PUS10: variants seen among roughly 807,000 people sequenced by gnomAD.
PUS10 encodes the protein pseudouridine synthase 10, also known as tRNA pseudouridine synthase Pus10.
Under a neutral mutation model 75.0 loss-of-function variants are expected in PUS10, and 59 were observed. That is an observed-to-expected ratio of 0.79 (90% CI 0.64 to 0.98). PUS10 has a LOEUF of 0.98. Ranked by LOEUF, PUS10 falls within the 50% of genes least tolerant of loss-of-function variation. The pLI is 0.00. For synonymous variants in PUS10, 219 were observed against 211.6 expected, an observed-to-expected ratio of 1.03 and a Z score of -0.30; for missense variants, 650 against 614.4, an observed-to-expected ratio of 1.06 and a Z score of -0.61.
intron 11 of PUS10, among the ~76,000 whole-genome samples, chr2:60,956,634 T>G (rs1330332280): frequency 6.6e-6 from 1 of 152,198 alleles, no homozygotes; most frequent in Non-Finnish European, 1.5e-5. Context: ...ACAAAAGCAT[T>G]TGATTCAGAC....
chr2:60,964,840 A>G (rs78523958), intron 8 of PUS10, among the ~76,000 whole-genome samples: 3,334 of 152,292 alleles, frequency 0.022, 132 homozygotes, highest in Admixed American at 0.094. Context: ...GACACTACAC[A>G]AACATGAGGA....
At chr2:60,965,221 T>C (rs1676261963) in intron 7 of PUS10, 118 bp from the exon 8 acceptor site, 2 of 1,080,636 alleles carry the variant, frequency 1.9e-6, no homozygotes, top group Non-Finnish European at 2.8e-6. Flanking sequence ...GCAGACAAAA[T>C]GAGTCCCTGT....
intron 11 of PUS10, among the ~76,000 whole-genome samples, chr2:60,956,791 T>C (rs1322278766): frequency 6.6e-5 from 10 of 151,862 alleles, no homozygotes; most frequent in Non-Finnish European, 4.4e-5. Flanking sequence ...CTGGCTAACT[T>C]GGTGAAACCT....
rs539390626 is a variant in PUS10 at position 61,015,686 on chromosome 2, G to A, written c.-16+2322C>T. On this transcript the variant is annotated intron_variant, in intron 1 of 17. Coordinates refer to ENST00000316752, the MANE Select transcript of PUS10 (RefSeq NM_144709.4). ...TGTACTCCAGTCTGGGCAACAGAGC[G>A]AGACTCCATCTCAATAAATAAATAA... 2.2e-4 allele frequency among the ~76,000 whole-genome samples: 33 copies of A among 152,128 alleles called. 1 individual carries two copies. The highest frequency in any genetic ancestry group is 2.9e-4 in the Non-Finnish European group (20 of 68,020).
At chr2:61,000,196 CA>C (rs1433431090) in intron 4 of PUS10, among the ~76,000 whole-genome samples, 7 of 152,248 alleles carry the variant, frequency 4.6e-5, no homozygotes, top group Non-Finnish European at 8.8e-5. Context: ...ATCCTTGCAG[CA>C]ATCTAATTCC....
chr2:60,955,522 T>C (rs1375298722), intron 11 of PUS10, among the ~76,000 whole-genome samples: 2 of 151,980 alleles, frequency 1.3e-5, no homozygotes, highest in Non-Finnish European at 2.9e-5. Context: ...AGAGATGAGG[T>C]CTTGCTTTGT....
intron 11 of PUS10, among the ~76,000 whole-genome samples, chr2:60,956,193 A>C (rs147703167): frequency 2.6e-5 from 4 of 151,550 alleles, no homozygotes; most frequent in Non-Finnish European, 4.4e-5. Context: ...GTCCCAAAAA[A>C]CTCTCCCTTC....
rs1420907094 is a variant in PUS10 at position 60,953,915 on chromosome 2, C to T, written c.1190+18G>A. On this transcript the variant is annotated intron_variant, in intron 14 of 17. Coordinates refer to ENST00000316752, the MANE Select transcript of PUS10 (RefSeq NM_144709.4). ...AAAACGTCCCTTTTGAAATCATCTC[C>T]AATGAGCCTACTCTTACCTTGTGAC... 1 of 1,608,952 alleles carries T rather than the reference C, an allele frequency of 6.2e-7. No homozygotes were observed. Among genetic ancestry groups the T allele is most frequent in the African/African-American group, 1.3e-5 (1 of 74,804 alleles).
Position 60,968,421 on chromosome 2 carries a change from C to A in PUS10, c.504-808G>T, listed in dbSNP as rs972383333. ...TTAAAACTTCAAACCAGCCTTATGG[C>A]GATTTATAGGGCTGCTTTTAATGAA... On this transcript the variant is annotated intron_variant, in intron 5 of 17. Transcript: ENST00000316752. Among the ~76,000 whole-genome samples, 6 of 152,110 alleles carry A rather than the reference C, an allele frequency of 3.9e-5. No homozygotes were observed. In the South Asian group the frequency reaches 1.2e-3, roughly 32 times the overall value.
chr2:60,954,958 T>G, intron 12 of PUS10, 60 bp downstream of exon 12: 2 of 1,164,432 alleles, frequency 1.7e-6, no homozygotes, highest in Non-Finnish European at 2.5e-6. Flanking sequence ...AAGCCTGCTG[T>G]CTAGAAAGGA....
intron 6 of PUS10, chr2:60,967,091 G>A (rs1676384305): frequency 5.9e-6 from 1 of 170,788 alleles, no homozygotes; most frequent in Non-Finnish European, 1.2e-5. Context: ...ACTCATTGTA[G>A]TTGAATAGGT....
At chr2:60,960,370 G>C (rs779263149) in intron 11 of PUS10, 22 bp downstream of exon 11, 5 of 1,375,136 alleles carry the variant, frequency 3.6e-6, no homozygotes, top group South Asian at 1.5e-5. Flanking sequence ...AGAAAGAAAA[G>C]TATGAAGATC....
At chr2:60,994,384 C>CA (rs35312310) in intron 4 of PUS10, among the ~76,000 whole-genome samples, 30,486 of 136,128 alleles carry the variant, frequency 0.22, 3,227 homozygotes, top group Middle Eastern at 0.36. Context: ...TTCCTCAGAG[C>CA]AAAAAAAAAA....
intron 4 of PUS10, among the ~76,000 whole-genome samples, chr2:60,981,432 G>A (rs1009023412): frequency 1.1e-4 from 16 of 151,466 alleles, no homozygotes; most frequent in African/African-American, 2.7e-4. Flanking sequence ...ACAGGTGCCC[G>A]CCACCACATC....
chr2:60,944,447 G>A (rs961380319), intron 17 of PUS10, among the ~76,000 whole-genome samples: 3 of 152,134 alleles, frequency 2.0e-5, no homozygotes, highest in African/African-American at 7.2e-5. Flanking sequence ...TCTATTCCTA[G>A]TCAGATTTTC....
At chr2:60,954,951 C>A in intron 12 of PUS10, 67 bp downstream of exon 12, 1 of 1,068,600 alleles carries the variant, frequency 9.4e-7, no homozygotes, top group South Asian at 1.7e-5. Flanking sequence ...CTATGCTAAG[C>A]CTGCTGTCTA....
intron 4 of PUS10, among the ~76,000 whole-genome samples, chr2:60,983,991 T>G (rs1006963489): frequency 4.6e-5 from 7 of 151,890 alleles, no homozygotes; most frequent in Non-Finnish European, 1.0e-4. Context: ...GAAAAAGAGA[T>G]TCCACTCAAA....
chr2:61,012,332 T>A (rs898238492), intron 1 of PUS10, among the ~76,000 whole-genome samples: 2 of 152,204 alleles, frequency 1.3e-5, no homozygotes, highest in Non-Finnish European at 2.9e-5. Flanking sequence ...TTGCTGGTAG[T>A]GGGGCTCAGA....
chr2:61,015,275 A>G (rs1177228), intron 1 of PUS10, among the ~76,000 whole-genome samples: 116,475 of 152,090 alleles, frequency 0.77, 45,850 homozygotes, highest in African/African-American at 0.92. Context: ...CGAGGCAGGC[A>G]TTATCACTTG....
Sources: allele counts gnomAD v4.1 joint callset (sites outside exome capture counted in the v4.1 genomes callset), GRCh38; gene constraint gnomAD v4.1.1; transcripts MANE v1.5; gene names NCBI Gene and HGNC (gene_info 2026-07-23, HGNC 2026-07-21).